DMD: variants seen among roughly 807,000 people sequenced by gnomAD.
DMD encodes dystrophin, also known as mutant dystrophin.
In DMD, 63 loss-of-function variants were observed where a neutral mutation model predicts 330.1. The observed-to-expected ratio is 0.19, with a 90% CI of 0.16 to 0.24. DMD has a LOEUF of 0.24. DMD is among the 10% of genes least tolerant of loss of function. DMD has a pLI of 1.00. For synonymous variants in DMD, 1,223 were observed against 959.8 expected, an observed-to-expected ratio of 1.27 and a Z score of -5.07; for missense variants, 3,344 against 2,684.1, an observed-to-expected ratio of 1.25 and a Z score of -5.43.
At chrX:31,508,980 CTAAAG>C (rs1302732406) in intron 55 of DMD, among the ~76,000 whole-genome samples, 3 of 111,218 alleles carry the variant, frequency 2.7e-5, no homozygotes. Context: ...TTTTTGGCAG[CTAAAG>C]CATCACTGAT....
At chrX:31,940,148 C>T (rs2094975621) in intron 45 of DMD, among the ~76,000 whole-genome samples, 1 of 110,745 alleles carries the variant, frequency 9.0e-6, no homozygotes, top group African/African-American at 3.3e-5. Context: ...GTAAGTGTTA[C>T]AGAGGAAAAA....
intron 42 of DMD, among the ~76,000 whole-genome samples, chrX:32,297,025 T>A (rs1310870738): frequency 9.0e-6 from 1 of 110,589 alleles, no homozygotes; most frequent in African/African-American, 3.3e-5. Context: ...ATTCACTCAC[T>A]TAGTAATAGC....
In DMD at chrX:32,873,736, C is replaced by A. The variant is rs1354867562; in HGVS notation, c.94-23916G>T. Among the ~76,000 whole-genome samples the A allele has an allele frequency of 2.7e-5, 3 of 111,945 alleles. No homozygotes were observed. The East Asian group carries it at 8.4e-4, about 31-fold the overall frequency. On this transcript the variant is annotated intron_variant, in intron 2 of 78. Coordinates refer to ENST00000357033, the MANE Select transcript of DMD (RefSeq NM_004006.3). ...TAGTTACTAAAAATTAGCCAAAACC[C>A]TTTGCTTCTCCAAAGTCGAATAAAA...
At chrX:32,534,980 GAAT>G (rs2047821368) in intron 17 of DMD, among the ~76,000 whole-genome samples, 1 of 111,129 alleles carries the variant, frequency 9.0e-6, no homozygotes, top group African/African-American at 3.3e-5. Flanking sequence ...GTCAGAATAA[GAAT>G]AATATATAAA....
intron 1 of DMD, among the ~76,000 whole-genome samples, chrX:33,301,843 T>C (rs529388367): frequency 7.0e-4 from 78 of 111,869 alleles, no homozygotes; most frequent in African/African-American, 2.4e-3. Flanking sequence ...CCTCCACCTT[T>C]TAGTACTATC....
chrX:32,229,284 T>C, intron 43 of DMD, among the ~76,000 whole-genome samples: 1 of 110,547 alleles, frequency 9.0e-6, no homozygotes, highest in South Asian at 3.9e-4. Flanking sequence ...CTAACCTCCT[T>C]TCTAAGCAGC....
chrX:32,642,881 G>T (rs1451947164), intron 11 of DMD, among the ~76,000 whole-genome samples: 1 of 111,316 alleles, frequency 9.0e-6, no homozygotes, highest in Non-Finnish European at 1.9e-5. Context: ...TAAAGAGGTG[G>T]TTGGATTTTC....
chrX:32,071,497 G>A (rs986210081), intron 44 of DMD, among the ~76,000 whole-genome samples: 3 of 88,584 alleles, frequency 3.4e-5, no homozygotes, highest in African/African-American at 1.3e-4. Context: ...ATCACACACC[G>A]GGGCCTGTTG....
chrX:33,228,496 G>C (rs1319742688), intron 1 of DMD, among the ~76,000 whole-genome samples: 1 of 110,051 alleles, frequency 9.1e-6, no homozygotes, highest in Non-Finnish European at 1.9e-5. Context: ...GGAGGGACTT[G>C]GAGAAGGGCT....
intron 21 of DMD, among the ~76,000 whole-genome samples, chrX:32,476,262 T>A (rs946694349): frequency 9.0e-6 from 1 of 111,662 alleles, no homozygotes; most frequent in African/African-American, 3.3e-5. Flanking sequence ...TAACTTCTGA[T>A]CTGTCCAACA....
chrX:33,095,528 T>C (rs1456911507), intron 1 of DMD, among the ~76,000 whole-genome samples: 1 of 112,302 alleles, frequency 8.9e-6, no homozygotes, highest in Non-Finnish European at 1.9e-5. Context: ...AGTTCACTAA[T>C]TTACATTCGA....
At chrX:33,173,577 T>C (rs1038747546) in intron 1 of DMD, among the ~76,000 whole-genome samples, 18 of 111,409 alleles carry the variant, frequency 1.6e-4, no homozygotes, top group Admixed American at 1.5e-3. Flanking sequence ...GAGATTAAAG[T>C]GCATAATCTA....
rs1191078520 is a variant in DMD, at chrX:32,441,328, A to G, written c.3787-14T>C. 3.3e-6 allele frequency: 4 copies of G among 1,199,292 alleles called. No individual in the cohort carries two copies. The highest frequency in any genetic ancestry group is 2.4e-4 in the Middle Eastern group (1 of 4,230). ...TGCCCAAACTTCCTAAGAAAGAAAT[A>G]TATATCACAGATTAAATATTATGGT... On this transcript the variant is annotated splice_polypyrimidine_tract_variant and intron_variant, in intron 27 of 78. Coordinates refer to ENST00000357033, the MANE Select transcript of DMD (RefSeq NM_004006.3).
At chrX:32,859,470 C>CAT (rs1286840889) in intron 2 of DMD, among the ~76,000 whole-genome samples, 7 of 51,616 alleles carry the variant, frequency 1.4e-4, no homozygotes, top group Non-Finnish European at 2.3e-4. Context: ...CTCACACACA[C>CAT]ACACACACAC....
At chrX:32,762,021 G>A (rs192249318) in intron 7 of DMD, among the ~76,000 whole-genome samples, 10 of 108,671 alleles carry the variant, frequency 9.2e-5, no homozygotes, top group Non-Finnish European at 1.7e-4. Context: ...ATAGTTGCAC[G>A]CGCCTGTAAT....
chrX:32,752,048 A>G (rs1351681139), intron 7 of DMD, among the ~76,000 whole-genome samples: 2 of 112,621 alleles, frequency 1.8e-5, no homozygotes, highest in Non-Finnish European at 3.8e-5. Flanking sequence ...GCCCTCATGG[A>G]GAACCTCTGC....
intron 64 of DMD, among the ~76,000 whole-genome samples, chrX:31,211,952 G>A (rs2044723694): frequency 9.0e-6 from 1 of 111,042 alleles, no homozygotes; most frequent in Non-Finnish European, 1.9e-5. Context: ...AAAAGGAGGT[G>A]AGAATATCAA....
intron 6 of DMD, among the ~76,000 whole-genome samples, chrX:32,814,796 G>A (rs904787194): frequency 1.8e-5 from 2 of 111,167 alleles, no homozygotes; most frequent in Non-Finnish European, 3.8e-5. Flanking sequence ...ATATAGAGTG[G>A]GAACATGCTT....
rs374473646 is a variant in DMD, at chrX:32,259,205, A to C, written c.6290+28324T>G. Among the ~76,000 whole-genome samples the C allele has an allele frequency of 3.6e-5, 4 of 109,903 alleles. No individual in the cohort carries two copies. The East Asian group carries it at 1.2e-3, about 32-fold the overall frequency. ...GAAACATTCAATTTTGGACCCTAAA[A>C]TATCACACAATATTATTCATTAAAA... On this transcript the variant is annotated intron_variant, in intron 43 of 78. Coordinates refer to ENST00000357033, the MANE Select transcript of DMD (RefSeq NM_004006.3).
Sources: gnomAD v4.1 joint callset for allele counts (sites outside exome capture counted in the v4.1 genomes callset) on GRCh38, gnomAD v4.1.1 for gene constraint, MANE v1.5 for transcripts, NCBI Gene and HGNC (gene_info 2026-07-23, HGNC 2026-07-21) for gene names.